The following ABCB1 variants were observed in gnomAD, a reference collection of about 807,000 sequenced individuals.
The protein encoded by ABCB1 is ATP-dependent translocase ABCB1.
ABCB1 carries 69 observed loss-of-function variants against 142.0 expected under a neutral mutation model. The ratio of observed to expected loss-of-function variants is 0.49; its 90% CI spans 0.40 to 0.59. ABCB1 has a LOEUF of 0.59. Among genes scored for constraint, ABCB1 ranks in the 20% least tolerant of loss-of-function variants. The pLI is 0.00. For synonymous variants in ABCB1, 532 were observed against 539.2 expected (o/e 0.99, Z 0.18); for missense variants, 1,326 against 1,554.7 (o/e 0.85, Z 2.47).
chr7:87,524,807 A>C (rs866332673), intron 21 of ABCB1, among the ~76,000 whole-genome samples: 16 of 152,154 alleles, frequency 1.1e-4, no homozygotes, highest in African/African-American at 3.6e-4. Flanking sequence ...TAATTATCAG[A>C]ATTCTAACAA....
chr7:87,688,784 TTTG>T (rs1827729110), intron 1 of ABCB1, among the ~76,000 whole-genome samples: 1 of 152,016 alleles, frequency 6.6e-6, no homozygotes, highest in Non-Finnish European at 1.5e-5. Context: ...CTTGCTTCTG[TTTG>T]AGTCATATTA....
chr7:87,679,249 C>A (rs538905793), intron 1 of ABCB1, among the ~76,000 whole-genome samples: 28 of 149,254 alleles, frequency 1.9e-4, no homozygotes, highest in Non-Finnish European at 3.4e-4. Flanking sequence ...CCCGCCACCA[C>A]GCCCGGGTAA....
chr7:87,639,516 T>C (rs1389771907), intron 1 of ABCB1, among the ~76,000 whole-genome samples: 1 of 152,186 alleles, frequency 6.6e-6, no homozygotes, highest in Non-Finnish European at 1.5e-5. Flanking sequence ...ACTGTAGATT[T>C]GTCTGTTTCT....
chr7:87,652,426 T>C lies in ABCB1; in HGVS notation c.-330-51348A>G, dbSNP rs910378979. On this transcript the variant is annotated intron_variant, in intron 1 of 28. Transcript: ENST00000265724. ...GATCACACCCCTTCAGAATTATTTCTAAACAATCAAATCCATTAATGTTAT... is the reference window on the plus strand; with the variant it reads ...GATCACACCCCTTCAGAATTATTTCCAAACAATCAAATCCATTAATGTTAT... Among the ~76,000 whole-genome samples, 3 of 151,994 alleles carry C rather than the reference T, an allele frequency of 2.0e-5. No individual in the cohort carries two copies. In the East Asian group the frequency reaches 5.8e-4, roughly 29 times the overall value.
intron 1 of ABCB1, among the ~76,000 whole-genome samples, chr7:87,645,442 G>C (rs1443473016): frequency 1.3e-5 from 2 of 152,166 alleles, no homozygotes; most frequent in Non-Finnish European, 2.9e-5. Flanking sequence ...GTGGGAAAGA[G>C]AATCTTTTTA....
At chr7:87,697,017 A>G (rs890096552) in intron 1 of ABCB1, among the ~76,000 whole-genome samples, 5 of 152,178 alleles carry the variant, frequency 3.3e-5, no homozygotes, top group African/African-American at 9.7e-5. Context: ...CAACAGCTCT[A>G]CTTTGAAACA....
At chr7:87,592,914 C>A (rs561210405) in intron 3 of ABCB1, among the ~76,000 whole-genome samples, 4 of 149,788 alleles carry the variant, frequency 2.7e-5, no homozygotes, top group Non-Finnish European at 5.9e-5. Flanking sequence ...ACAATTCTTG[C>A]AAGAATATAT....
At chr7:87,567,405 AC>A (rs1465483425) in intron 5 of ABCB1, among the ~76,000 whole-genome samples, 1 of 152,220 alleles carries the variant, frequency 6.6e-6, no homozygotes, top group Non-Finnish European at 1.5e-5. Flanking sequence ...GGTAAGACCC[AC>A]CACTGTAATA....
intron 1 of ABCB1, among the ~76,000 whole-genome samples, chr7:87,664,877 G>A (rs890028959): frequency 1.3e-5 from 2 of 152,088 alleles, no homozygotes; most frequent in Admixed American, 6.6e-5. Context: ...AAGAAGCTTA[G>A]CAAAGCATTT....
chr7:87,571,212 C>T (rs779703240), intron 4 of ABCB1, among the ~76,000 whole-genome samples: 74 of 152,206 alleles, frequency 4.9e-4, no homozygotes, highest in Admixed American at 1.2e-3. Context: ...CAAAAGTCAA[C>T]GGCAAGTTTG....
chr7:87,541,088 C>G (rs1159225468), intron 18 of ABCB1, among the ~76,000 whole-genome samples: 1 of 152,170 alleles, frequency 6.6e-6, no homozygotes, highest in Non-Finnish European at 1.5e-5. Flanking sequence ...TTTGAAGTCC[C>G]TGCCTTTCAC....
chr7:87,645,705 T>C (rs1822935660), intron 1 of ABCB1, among the ~76,000 whole-genome samples: 1 of 152,210 alleles, frequency 6.6e-6, no homozygotes, highest in Admixed American at 6.5e-5. Flanking sequence ...TAAAATTCTT[T>C]CTACAGGTTT....
At chr7:87,593,172 C>T (rs1194994925) in intron 3 of ABCB1, among the ~76,000 whole-genome samples, 1 of 152,098 alleles carries the variant, frequency 6.6e-6, no homozygotes. Context: ...AGTGATCTGC[C>T]CACCTTAGCC....
chr7:87,588,976 A>C (rs557013940), intron 3 of ABCB1, among the ~76,000 whole-genome samples: 2 of 152,286 alleles, frequency 1.3e-5, no homozygotes, highest in African/African-American at 4.8e-5. Context: ...TCCTTTGCCC[A>C]TCTTTTTATT....
intron 1 of ABCB1, chr7:87,693,841 G>T: frequency 6.6e-7 from 1 of 1,518,344 alleles, no homozygotes; most frequent in South Asian, 1.2e-5. Flanking sequence ...ATTCAGTTTG[G>T]AACTGTAAAC....
chr7:87,690,787 A>T (rs1442702054), intron 1 of ABCB1, among the ~76,000 whole-genome samples: 1 of 152,190 alleles, frequency 6.6e-6, no homozygotes, highest in African/African-American at 2.4e-5. Context: ...CTGAATTATT[A>T]TCTGATCACT....
intron 27 of ABCB1, 56 bp downstream of exon 27, chr7:87,505,841 C>G: frequency 6.2e-7 from 1 of 1,600,542 alleles, no homozygotes; most frequent in Non-Finnish European, 8.6e-7. Context: ...ATGGAGAATA[C>G]AGCATTTTTA....
At chr7:87,693,969 C>T (rs1828254036) in intron 1 of ABCB1, 1 of 1,611,026 alleles carries the variant, frequency 6.2e-7, no homozygotes. Context: ...GTACTCTATG[C>T]TGGTGATGTC....
chr7:87,706,585 G>T (rs867124313), intron 1 of ABCB1, among the ~76,000 whole-genome samples: 10 of 152,308 alleles, frequency 6.6e-5, no homozygotes, highest in Middle Eastern at 3.4e-3. Flanking sequence ...AACTTGAGTG[G>T]CCACAGTCCT....
Sources: gnomAD v4.1 joint callset for allele counts (sites outside exome capture counted in the v4.1 genomes callset) on GRCh38, gnomAD v4.1.1 for gene constraint, MANE v1.5 for transcripts, NCBI Gene and HGNC (gene_info 2026-07-23, HGNC 2026-07-21) for gene names.